Variants in DAB2IP observed in about 807,000 individuals in gnomAD.
DAB2IP encodes disabled homolog 2-interacting protein.
In DAB2IP, 28 loss-of-function variants were observed where a neutral mutation model predicts 107.2. The ratio of observed to expected loss-of-function variants is 0.26; its 90% CI spans 0.19 to 0.36. The LOEUF (loss-of-function observed/expected upper bound fraction) is 0.36, where lower values mean the gene tolerates loss of function less well. Ranked by LOEUF, DAB2IP falls within the 10% of genes least tolerant of loss-of-function variation. DAB2IP has a pLI of 1.00. For synonymous variants in DAB2IP, 755 were observed against 706.4 expected (o/e 1.07, Z -1.09); for missense variants, 1,400 against 1,644.7 (o/e 0.85, Z 2.57).
intron 1 of DAB2IP, among the ~76,000 whole-genome samples, chr9:121,606,727 G>T (rs893848622): frequency 1.3e-5 from 2 of 152,020 alleles, no homozygotes; most frequent in African/African-American, 4.8e-5. Flanking sequence ...CAGGCAGTGG[G>T]GGGTGAGGGA....
At chr9:121,581,650 G>A (rs1372062211) in intron 1 of DAB2IP, among the ~76,000 whole-genome samples, 1 of 152,216 alleles carries the variant, frequency 6.6e-6, no homozygotes, top group Non-Finnish European at 1.5e-5. Flanking sequence ...AAGCCTGCGT[G>A]CTTCCCACTG....
chr9:121,713,818 A>G (rs1830456962), intron 3 of DAB2IP, among the ~76,000 whole-genome samples: 2 of 152,318 alleles, frequency 1.3e-5, no homozygotes, highest in East Asian at 1.9e-4. Flanking sequence ...AAGGTACTGC[A>G]TTGCCACACC....
Position 121,599,555 on chromosome 9 carries a change from G to A in DAB2IP, c.40+32327G>A, listed in dbSNP as rs1272823315. On this transcript the variant is annotated intron_variant, in intron 1 of 16. Transcript: ENST00000259371. This position sits in a 1 kb window ranked among gnomAD's most constrained non-coding sequence, Gnocchi z 6.9. ...GGGAGCCGTAGAGCGGCGGCGCCGG[G>A]GGAGGCGCGGAGCCGGCCGTAGCGC... 6.6e-6 allele frequency among the ~76,000 whole-genome samples: 1 copy of A among 151,936 alleles called. No homozygotes were observed. The highest frequency in any genetic ancestry group is 1.5e-5 in the Non-Finnish European group (1 of 67,928).
chr9:121,781,602 T>C (rs1358123137), intron 15 of DAB2IP, 51 bp downstream of exon 15: 2 of 1,576,442 alleles, frequency 1.3e-6, no homozygotes, highest in African/African-American at 1.5e-5. Context: ...GGCCTGGGAT[T>C]AGGAGGGGTG....
Position 121,643,427 on chromosome 9 carries a change from T to G in DAB2IP, c.41-35251T>G, listed in dbSNP as rs1832429899. Among the ~76,000 whole-genome samples, 3 of 152,018 alleles carry G rather than the reference T, an allele frequency of 2.0e-5. No homozygotes were observed. In the South Asian group the frequency reaches 6.3e-4, roughly 32 times the overall value. On this transcript the variant is annotated intron_variant, in intron 1 of 16. Coordinates refer to the DAB2IP transcript ENST00000259371. The stretch of plus-strand genomic sequence containing the variant: ...CTTCTTCCCCTCTGGAGAAGCTGCC[T>G]GGGCCTCACCCCAACTTGGTTCTAT...
At chr9:121,675,945 TG>T (rs1233698307) in intron 1 of DAB2IP, among the ~76,000 whole-genome samples, 1 of 152,308 alleles carries the variant, frequency 6.6e-6, no homozygotes, top group East Asian at 1.9e-4. Flanking sequence ...ATCCCCTGAC[TG>T]TGACTAGAGA....
At chr9:121,708,971 G>A (rs534388081) in intron 3 of DAB2IP, among the ~76,000 whole-genome samples, 2 of 152,278 alleles carry the variant, frequency 1.3e-5, no homozygotes, top group East Asian at 1.9e-4. Flanking sequence ...GGGGATCTGC[G>A]CCTGTGAGGT....
intron 1 of DAB2IP, among the ~76,000 whole-genome samples, chr9:121,582,545 C>G (rs776720028): frequency 6.6e-6 from 1 of 152,024 alleles, no homozygotes; most frequent in Non-Finnish European, 1.5e-5. Flanking sequence ...CACTGGCGCC[C>G]CCGTGACTCT....
chr9:121,692,311 T>TTGTGTG (rs1829205947), intron 2 of DAB2IP, among the ~76,000 whole-genome samples: 1 of 152,110 alleles, frequency 6.6e-6, no homozygotes, highest in South Asian at 2.1e-4. Flanking sequence ...GTGTATGTGT[T>TTGTGTG]TGTGTGTGTC....
Position 121,654,201 on chromosome 9 carries a change from G to A in DAB2IP, c.124+2302G>A, listed in dbSNP as rs185039779. Among the ~76,000 whole-genome samples, 31 of 152,162 alleles carry A rather than the reference G, an allele frequency of 2.0e-4. No individual in the cohort carries two copies. The East Asian group carries it at 4.3e-3, about 21-fold the overall frequency. On this transcript the variant is annotated intron_variant, in intron 1 of 15. Coordinates refer to ENST00000408936, the Ensembl canonical transcript of DAB2IP. ...TCTCTGGACAGAATGAACAGACTGC[G>A]CAGTCAGGGAGAAGGAAAACGGCTT...
chr9:121,615,198 A>G (rs1221425470), intron 1 of DAB2IP, among the ~76,000 whole-genome samples: 1 of 152,212 alleles, frequency 6.6e-6, no homozygotes, highest in African/African-American at 2.4e-5. Flanking sequence ...TGCTTTGTAG[A>G]AAAGAAGGTT....
chr9:121,647,661 T>C (rs1832583131), upstream of DAB2IP, among the ~76,000 whole-genome samples: 2 of 152,160 alleles, frequency 1.3e-5, no homozygotes, highest in African/African-American at 4.8e-5. Context: ...TAGTGGGGTA[T>C]ACCAGGAGCC....
chr9:121,641,325 TTAGGATGC>T (rs1444870456), intron 1 of DAB2IP, among the ~76,000 whole-genome samples: 5 of 152,204 alleles, frequency 3.3e-5, no homozygotes, highest in Non-Finnish European at 7.3e-5. Context: ...CTACCTGGTC[TTAGGATGC>T]TAGCTATGGG....
chr9:121,783,712 T>TCCCGGCC (rs1169978430), exon 16 of DAB2IP: 3 of 941,500 alleles, frequency 3.2e-6, no homozygotes, highest in Middle Eastern at 3.2e-4. Flanking sequence ...TCCTCACCCT[T>TCCCGGCC]CCCGGCCCCC....
At position 121,736,941 on chromosome 9, in the gene DAB2IP, G is replaced by A. The variant is rs1193336020; in HGVS notation, c.363-20072G>A. ...AGTTCTGTGGAGAAAATGAAGCAGG[G>A]TGATAACTTGGGAGGTGGGAGTTGC... is the stretch of plus-strand genomic sequence containing the variant. On this transcript the variant is annotated intron_variant, in intron 3 of 15. Transcript: ENST00000408936. The surrounding 1 kb of genome is among the most constrained non-coding windows in gnomAD (Gnocchi z 4.6). Among the ~76,000 whole-genome samples the A allele has an allele frequency of 1.4e-4, 21 of 152,334 alleles. No homozygotes were observed. Among genetic ancestry groups the A allele is most frequent in the Non-Finnish European group, 8.8e-5 (6 of 68,038 alleles).
At chr9:121,717,233 C>G (rs1021570166) in intron 3 of DAB2IP, among the ~76,000 whole-genome samples, 4 of 152,190 alleles carry the variant, frequency 2.6e-5, no homozygotes, top group Admixed American at 6.5e-5. Flanking sequence ...TCGGGTCAAG[C>G]AGAATTCTGG....
At chr9:121,680,702 A>T (rs1828539512) in intron 2 of DAB2IP, among the ~76,000 whole-genome samples, 1 of 151,532 alleles carries the variant, frequency 6.6e-6, no homozygotes, top group Non-Finnish European at 1.5e-5. Flanking sequence ...TGTGCCAGGC[A>T]CTGGGCTCAC....
chr9:121,641,892 C>T (rs1203019786), intron 1 of DAB2IP, among the ~76,000 whole-genome samples: 5 of 89,340 alleles, frequency 5.6e-5, no homozygotes, highest in East Asian at 7.2e-4. Context: ...CATTTCTTTC[C>T]CTTTCTTTCT....
At chr9:121,656,384 G>A (rs1270504985) in intron 1 of DAB2IP, among the ~76,000 whole-genome samples, 1 of 152,208 alleles carries the variant, frequency 6.6e-6, no homozygotes, top group Non-Finnish European at 1.5e-5. Flanking sequence ...GCGAGCCTGA[G>A]AACAGCCCTG....
Sources: allele counts gnomAD v4.1 joint callset (sites outside exome capture counted in the v4.1 genomes callset), GRCh38; gene constraint gnomAD v4.1.1; non-coding constraint Gnocchi (gnomAD v3.1); transcripts MANE v1.5; gene names NCBI Gene and HGNC (gene_info 2026-07-23, HGNC 2026-07-21).